The following SIPA1L2 variants were observed in gnomAD, a reference collection of about 807,000 sequenced individuals.
SIPA1L2 encodes the protein signal induced proliferation associated 1 like 2.
A neutral mutation model predicts 163.9 loss-of-function variants in SIPA1L2; 56 were observed. The ratio of observed to expected loss-of-function variants is 0.34; its 90% CI spans 0.28 to 0.43. The LOEUF is 0.43. SIPA1L2 is among the 20% of genes least tolerant of loss of function. The pLI is 1.00. For synonymous variants in SIPA1L2, 877 were observed against 865.7 expected (o/e 1.01, Z -0.23); for missense variants, 1,974 against 2,193.5 (o/e 0.90, Z 2.00).
At chr1:232,533,984 A>G (rs1657146493) in intron 2 of SIPA1L2, among the ~76,000 whole-genome samples, 1 of 152,230 alleles carries the variant, frequency 6.6e-6, no homozygotes, top group Admixed American at 6.5e-5. Context: ...CACAGATTCA[A>G]TGTAATCCCT....
chr1:232,495,102 C>T (rs1483047612), intron 3 of SIPA1L2, among the ~76,000 whole-genome samples: 3 of 152,180 alleles, frequency 2.0e-5, no homozygotes, highest in African/African-American at 7.2e-5. Flanking sequence ...GAAAACAGCA[C>T]CTGAATCACT....
At chr1:232,420,292 C>T (rs771579163) in intron 18 of SIPA1L2, among the ~76,000 whole-genome samples, 3 of 151,960 alleles carry the variant, frequency 2.0e-5, no homozygotes, top group Non-Finnish European at 4.4e-5. Context: ...CACTGCACTC[C>T]AGCTTGAGCA....
chr1:232,499,115 G>A (rs1666341373), intron 3 of SIPA1L2, among the ~76,000 whole-genome samples: 2 of 152,150 alleles, frequency 1.3e-5, no homozygotes, highest in African/African-American at 4.8e-5. Flanking sequence ...TTTCCCTGGA[G>A]ACACAGTAAC....
chr1:232,487,024 C>T (rs1665678488), intron 5 of SIPA1L2, among the ~76,000 whole-genome samples: 1 of 152,210 alleles, frequency 6.6e-6, no homozygotes, highest in Non-Finnish European at 1.5e-5. Context: ...GTGCCAGTCC[C>T]ACAGTCCTGG....
At chr1:232,518,599 C>T (rs1667316741) in intron 2 of SIPA1L2, among the ~76,000 whole-genome samples, 2 of 152,158 alleles carry the variant, frequency 1.3e-5, no homozygotes, top group Admixed American at 1.3e-4. Context: ...CCCAGCTGTT[C>T]CCTCTAAATG....
chr1:232,434,467 TA>T (rs1014699213), intron 15 of SIPA1L2, among the ~76,000 whole-genome samples: 1 of 152,088 alleles, frequency 6.6e-6, no homozygotes, highest in Non-Finnish European at 1.5e-5. Flanking sequence ...CTCTGGGTGC[TA>T]ACTGTGGGTC....
At position 232,465,994 on chromosome 1, in the gene SIPA1L2, G is replaced by A. The variant is rs1174190000; in HGVS notation, c.2244-578C>T. 1.3e-5 allele frequency among the ~76,000 whole-genome samples: 2 copies of A among 151,998 alleles called. No individual in the cohort carries two copies. The highest frequency in any genetic ancestry group is 2.4e-5 in the African/African-American group (1 of 41,382). On this transcript the variant is annotated intron_variant, in intron 8 of 22. Transcript: ENST00000674635. This position sits in a 1 kb window ranked among gnomAD's most constrained non-coding sequence, Gnocchi z 4.1. ...CTTGATCTTAGACTTCCAGCCTCTAGAACTCTGAGAAAATAAAAGTCTGCC... is the reference window on the plus strand; with the variant it reads ...CTTGATCTTAGACTTCCAGCCTCTAAAACTCTGAGAAAATAAAAGTCTGCC...
chr1:232,407,120 C>G (rs190148305), intron 19 of SIPA1L2, among the ~76,000 whole-genome samples: 3 of 152,288 alleles, frequency 2.0e-5, no homozygotes, highest in Non-Finnish European at 4.4e-5. Flanking sequence ...GAGTAATTAA[C>G]AAGAAAAAGT....
At chr1:232,530,398 G>A (rs921740324) in intron 2 of SIPA1L2, among the ~76,000 whole-genome samples, 1 of 152,166 alleles carries the variant, frequency 6.6e-6, no homozygotes, top group Non-Finnish European at 1.5e-5. Context: ...ACAGGCGTGA[G>A]CCACCGTGCT....
chr1:232,408,106 T>C (rs573018178), intron 19 of SIPA1L2, among the ~76,000 whole-genome samples: 1 of 152,292 alleles, frequency 6.6e-6, no homozygotes, highest in East Asian at 1.9e-4. Context: ...AGACCACCAA[T>C]TTCACTTAGG....
chr1:232,443,147 G>C (rs1454452352), intron 12 of SIPA1L2, among the ~76,000 whole-genome samples: 2 of 152,192 alleles, frequency 1.3e-5, no homozygotes, highest in East Asian at 3.9e-4. Context: ...GAAGTCCTCA[G>C]GCTCTGCCTG....
intron 1 of SIPA1L2, among the ~76,000 whole-genome samples, chr1:232,585,953 A>T (rs773704764): frequency 4.6e-5 from 7 of 152,222 alleles, no homozygotes; most frequent in Non-Finnish European, 8.8e-5. Context: ...TGGTACCTCT[A>T]ATCTGTAAAA....
chr1:232,498,439 G>GT (rs1666308019), intron 3 of SIPA1L2, among the ~76,000 whole-genome samples: 1 of 152,166 alleles, frequency 6.6e-6, no homozygotes, highest in African/African-American at 2.4e-5. Context: ...TCCTACCGCT[G>GT]TAACAAATTT....
At chr1:232,527,725 CTTTTTTTTTTTTT>C (rs57868657) in intron 2 of SIPA1L2, among the ~76,000 whole-genome samples, 3 of 80,944 alleles carry the variant, frequency 3.7e-5, no homozygotes, top group African/African-American at 1.0e-4. Context: ...TCTTCTTCTT[CTTTTTTTTTTTTT>C]TTTTTTTTTT....
chr1:232,398,850 CA>C lies in SIPA1L2; in HGVS notation c.*276del. Reference sequence around the variant, plus strand: ...AGCCCAAGCCAGAGCACTGTTTTAGCAGAGTCTAAAAGAAAAAGGTCTCAAC... The same window carrying C: ...AGCCCAAGCCAGAGCACTGTTTTAGCGAGTCTAAAAGAAAAAGGTCTCAAC... On this transcript the variant is annotated 3_prime_UTR_variant, in exon 23 of 23. Coordinates refer to ENST00000674635, the MANE Select transcript of SIPA1L2 (RefSeq NM_020808.5). 2.7e-6 allele frequency: 1 copy of C among 369,104 alleles called. No homozygotes were observed. The highest frequency in any genetic ancestry group is 3.8e-5 in the South Asian group (1 of 26,606). The allele number at this position is 369,104 out of a possible 1,614,324, so 22.9% of individuals were successfully genotyped here. A position where few individuals can be genotyped will look rare whatever the true frequency, so the allele number is the denominator to read the frequency against.
intron 1 of SIPA1L2, among the ~76,000 whole-genome samples, chr1:232,586,927 T>G (rs1660687331): frequency 2.0e-5 from 3 of 152,202 alleles, no homozygotes; most frequent in African/African-American, 7.2e-5. Context: ...GCGTCTATTA[T>G]TTTTGGAGTA....
At chr1:232,552,003 C>G (rs1658418446) in intron 2 of SIPA1L2, among the ~76,000 whole-genome samples, 1 of 152,032 alleles carries the variant, frequency 6.6e-6, no homozygotes, top group African/African-American at 2.4e-5. Flanking sequence ...CCACGCCTGG[C>G]TAATTTTTGT....
chr1:232,425,375 T>C (rs989856410), intron 18 of SIPA1L2, among the ~76,000 whole-genome samples: 1 of 152,200 alleles, frequency 6.6e-6, no homozygotes, highest in African/African-American at 2.4e-5. Flanking sequence ...AGTTTCTCAA[T>C]TGCTTTCAAA....
chr1:232,538,459 C>T (rs1657444122), intron 2 of SIPA1L2, among the ~76,000 whole-genome samples: 1 of 152,186 alleles, frequency 6.6e-6, no homozygotes, highest in Non-Finnish European at 1.5e-5. Context: ...TTCAAAGCAT[C>T]GTTCCACATG....
Sources: allele counts gnomAD v4.1 joint callset (sites outside exome capture counted in the v4.1 genomes callset), GRCh38; gene constraint gnomAD v4.1.1; non-coding constraint Gnocchi (gnomAD v3.1); transcripts MANE v1.5; gene names NCBI Gene and HGNC (gene_info 2026-07-23, HGNC 2026-07-21).